The following MED9 variants were observed in gnomAD, a reference collection of about 807,000 sequenced individuals.
The protein encoded by MED9 is mediator of RNA polymerase II transcription subunit 9.
In MED9, 8 loss-of-function variants were observed where a neutral mutation model predicts 13.2. The ratio of observed to expected loss-of-function variants is 0.61; its 90% CI spans 0.36 to 1.10. MED9 has a LOEUF of 1.10. MED9 is among the 50% of genes least tolerant of loss of function. The pLI, the probability that MED9 is intolerant of heterozygous loss-of-function variation, is 0.02. For missense variants in MED9, 180 were observed against 193.4 expected (o/e 0.93, Z 0.41); for synonymous variants, 87 against 82.8 (o/e 1.05, Z -0.28).
At chr17:17,489,524 A>G (rs1905193469) in intron 1 of MED9, among the ~76,000 whole-genome samples, 1 of 152,282 alleles carries the variant, frequency 6.6e-6, no homozygotes, top group African/African-American at 2.4e-5. Flanking sequence ...CTTCCTTGGG[A>G]CTTAAATTCG....
intron 1 of MED9, among the ~76,000 whole-genome samples, chr17:17,488,842 A>AG (rs1905183704): frequency 6.6e-6 from 1 of 152,002 alleles, no homozygotes; most frequent in East Asian, 1.9e-4. Flanking sequence ...AAAAAAAAAA[A>AG]AGAAAAAAAG....
rs1905274334 is a variant in MED9, at chr17:17,493,118, C to T, written c.*1623C>T. On this transcript the variant is annotated 3_prime_UTR_variant, in exon 2 of 2. Transcript: ENST00000268711. ...GCAAGGCTGAAATGGACAAGGGCTCCTCACGGGGGTGGAGGGAGCCGGAGC... is the reference window on the plus strand; with the variant it reads ...GCAAGGCTGAAATGGACAAGGGCTCTTCACGGGGGTGGAGGGAGCCGGAGC... 3.3e-5 allele frequency: 5 copies of T among 152,176 alleles called. No individual in the cohort carries two copies. Among genetic ancestry groups the T allele is most frequent in the Admixed American group, 3.3e-4 (5 of 15,280 alleles). The allele number at this position is 152,176 out of a possible 1,614,324, so 9.4% of individuals were successfully genotyped here.
At position 17,480,265 on chromosome 17, in the gene MED9, C is replaced by A. The variant is rs80168244; in HGVS notation, c.224+3000C>A. Among the ~76,000 whole-genome samples the A allele has an allele frequency of 4.1e-3, 623 of 152,190 alleles. 4 individuals are homozygous for A. The highest frequency in any genetic ancestry group is 0.014 in the African/African-American group (602 of 41,522). On this transcript the variant is annotated intron_variant, in intron 1 of 1. Coordinates refer to ENST00000268711, the MANE Select transcript of MED9 (RefSeq NM_018019.3). The stretch of plus-strand genomic sequence containing the variant: ...GAGAGACACCACCCGAGCCTTCCCC[C>A]ACCTGGCTTCTAGATTGGCAGCCAA...
intron 1 of MED9, chr17:17,477,825 G>A (rs1453429185): frequency 1.3e-5 from 2 of 152,600 alleles, no homozygotes; most frequent in Non-Finnish European, 2.9e-5. Flanking sequence ...CACAGAAGTT[G>A]CCTCAGATGA....
In MED9 at chr17:17,477,204, G is replaced by T. The variant is rs61739282; in HGVS notation, c.163G>T (p.Ala55Ser). The change falls in exon 1 of 2, where the codon GCC becomes TCC. Residue 55 changes from alanine to serine, a missense_variant. Physicochemically the swap from Ala to Ser is moderately conservative, Grantham distance 99. Coordinates refer to ENST00000268711, the MANE Select transcript of MED9 (RefSeq NM_018019.3). ...QSPAPRPQSP[A>S]RAREEENYSF... is the part of the protein sequence containing the mutation. The stretch of plus-strand genomic sequence containing the variant: ...GCCGGCGCCACGGCCTCAGTCACCT[G>T]CCCGCGCGAGGGAGGAAGAGAACTA... 6,266 of 1,610,644 alleles carry T rather than the reference G, an allele frequency of 3.9e-3. 183 individuals carry two copies. In the African/African-American group the frequency reaches 0.067, roughly 17 times the overall value.
intron 1 of MED9, among the ~76,000 whole-genome samples, chr17:17,482,735 C>G (rs977156282): frequency 6.6e-6 from 1 of 152,170 alleles, no homozygotes; most frequent in African/African-American, 2.4e-5. Context: ...CTAGAACTTT[C>G]ATGGTTCCAT....
At chr17:17,488,007 A>T (rs1905167552) in intron 1 of MED9, 1 of 152,258 alleles carries the variant, frequency 6.6e-6, no homozygotes, top group Admixed American at 6.5e-5. Context: ...ACAAGGGGTT[A>T]ATGAGATTTC....
At position 17,477,281 on chromosome 17, in the gene MED9, A is replaced by G. The variant is rs1403169596; in HGVS notation, c.224+16A>G. ...TCATCAAATGGTAAGAACCTAGGAG[A>G]GGACCAGGCCCCATACTCCCTCCAG... On this transcript the variant is annotated intron_variant, in intron 1 of 1. Coordinates refer to ENST00000268711, the MANE Select transcript of MED9 (RefSeq NM_018019.3). 1.3e-6 allele frequency: 2 copies of G among 1,567,030 alleles called. No homozygotes were observed. The highest frequency in any genetic ancestry group is 1.7e-6 in the Non-Finnish European group (2 of 1,153,914).
Position 17,483,507 on chromosome 17 carries a change from GA to G in MED9, c.224+6243del, listed in dbSNP as rs1248910670. Among the ~76,000 whole-genome samples, 2 of 152,232 alleles carry G rather than the reference GA, an allele frequency of 1.3e-5. No individual in the cohort carries two copies. The highest frequency in any genetic ancestry group is 2.9e-5 in the Non-Finnish European group (2 of 68,050). ...CCAGAGCCTCTCCTGTACCCCCAGG[GA>G]CCCACCTGGTTCTGGGAGTGCTCTG... On this transcript the variant is annotated intron_variant, in intron 1 of 1. Transcript: ENST00000268711. This position sits in a 1 kb window ranked among gnomAD's most constrained non-coding sequence, Gnocchi z 4.2.
Position 17,491,808 on chromosome 17 carries a change from G to A in MED9, c.*313G>A, listed in dbSNP as rs1905237314. ...ACTCTCCCCTGCCTCTGGGGAGGGG[G>A]CCATCTGCTGCGCCCGGCCCCACTG... On this transcript the variant is annotated 3_prime_UTR_variant, in exon 2 of 2. Coordinates refer to ENST00000268711, the MANE Select transcript of MED9 (RefSeq NM_018019.3). The A allele has an allele frequency of 1.8e-5, 7 of 384,172 alleles. No individual in the cohort carries two copies. Among genetic ancestry groups the A allele is most frequent in the Non-Finnish European group, 3.5e-5 (7 of 202,006 alleles). The allele number at this position is 384,172 out of a possible 1,614,324, so 23.8% of individuals were successfully genotyped here. A position where few individuals can be genotyped will look rare whatever the true frequency, so the allele number is the denominator to read the frequency against.
rs112204471 is a variant in MED9, at chr17:17,491,867, G to C, written c.*372G>C. ...GAAGAGCACAGTAGGAAGGGAGGCG[G>C]CTCCTCTTTGCTTCCTTCCCTCTCT... is the stretch of plus-strand genomic sequence containing the variant. On this transcript the variant is annotated 3_prime_UTR_variant, in exon 2 of 2. Coordinates refer to ENST00000268711, the MANE Select transcript of MED9 (RefSeq NM_018019.3). 18 of 295,578 alleles carry C rather than the reference G, an allele frequency of 6.1e-5. No individual in the cohort carries two copies. Among genetic ancestry groups the C allele is most frequent in the African/African-American group, 3.9e-4 (18 of 46,682 alleles). 18.3% of individuals were successfully genotyped at this position (295,578 alleles called of 1,614,324 possible). A position where few individuals can be genotyped will look rare whatever the true frequency, so the allele number is the denominator to read the frequency against.
At chr17:17,479,252 C>A (rs2142469173) in intron 1 of MED9, among the ~76,000 whole-genome samples, 1 of 152,168 alleles carries the variant, frequency 6.6e-6, no homozygotes. Context: ...AATGCCTAAC[C>A]TTTCTAGGCC....
rs893119666 is a variant in MED9 at position 17,491,638 on chromosome 17, G to A, written c.*143G>A. 4.7e-5 allele frequency: 38 copies of A among 811,874 alleles called. No individual in the cohort carries two copies. Among genetic ancestry groups the A allele is most frequent in the Non-Finnish European group, 7.2e-5 (37 of 514,402 alleles). The allele number at this position is 811,874 out of a possible 1,614,324, so 50.3% of individuals were successfully genotyped here. On this transcript the variant is annotated 3_prime_UTR_variant, in exon 2 of 2. Transcript: ENST00000268711. The stretch of plus-strand genomic sequence containing the variant: ...AGGGGCGGGGCTCCTGTGCTGCTGC[G>A]CGCGCTTCGCCTGTGCGGGAGCCAG...
intron 1 of MED9, chr17:17,485,331 G>C (rs1002302543): frequency 4.0e-5 from 16 of 398,434 alleles, no homozygotes; most frequent in Middle Eastern, 6.3e-4. Context: ...GTGATCTGCT[G>C]ACTTCAGCCT....
At position 17,492,336 on chromosome 17, in the gene MED9, C is replaced by G. The variant is rs1445244024; in HGVS notation, c.*841C>G. 1.3e-5 allele frequency: 2 copies of G among 152,360 alleles called. No homozygotes were observed. The highest frequency in any genetic ancestry group is 4.8e-5 in the African/African-American group (2 of 41,472). The allele number at this position is 152,360 out of a possible 1,614,324, so 9.4% of individuals were successfully genotyped here. On this transcript the variant is annotated 3_prime_UTR_variant, in exon 2 of 2. Transcript: ENST00000268711. Reference sequence around the variant, plus strand: ...GTCTTCAGGCGAACCGACCTTCCCCCTTCTGGCATTTCAGATTCCCCTTGC... The same window carrying G: ...GTCTTCAGGCGAACCGACCTTCCCCGTTCTGGCATTTCAGATTCCCCTTGC...
intron 1 of MED9, chr17:17,477,475 C>A (rs903480763): frequency 1.8e-6 from 1 of 562,670 alleles, no homozygotes; most frequent in Non-Finnish European, 3.1e-6. Context: ...GGTGCGATAT[C>A]CTTAAGAATG....
intron 1 of MED9, among the ~76,000 whole-genome samples, chr17:17,478,805 C>T (rs984419493): frequency 6.6e-6 from 1 of 150,920 alleles, no homozygotes; most frequent in Non-Finnish European, 1.5e-5. Flanking sequence ...TGCAGTGAGC[C>T]GAGATCATGC....
At position 17,491,493 on chromosome 17, in the gene MED9, T is replaced by C; in HGVS notation, c.439T>C (p.Ter147GlnextTer68). The change falls in exon 2 of 2, where the codon TAG (stop) becomes CAG (glutamine). Residue 147 changes from the stop codon to glutamine (Q), a stop_lost. Transcript: ENST00000268711. ...SLCMFEIPKE[*>Q] is the part of the protein sequence containing the mutation. ...CTGCATGTTCGAAATCCCCAAGGAG[T>C]AGAGTGAGGCTGACTTCCTTAGAAA... 1.2e-6 allele frequency: 2 copies of C among 1,608,784 alleles called. No homozygotes were observed. Among genetic ancestry groups the C allele is most frequent in the Non-Finnish European group, 1.7e-6 (2 of 1,175,636 alleles).
chr17:17,479,228 C>T (rs908435994), intron 1 of MED9, among the ~76,000 whole-genome samples: 2 of 152,190 alleles, frequency 1.3e-5, no homozygotes, highest in Non-Finnish European at 2.9e-5. Context: ...TTCTTGCCTT[C>T]TAATCTTGAT....
Sources: gnomAD v4.1 joint callset for allele counts (sites outside exome capture counted in the v4.1 genomes callset) on GRCh38, gnomAD v4.1.1 for gene constraint, Gnocchi (gnomAD v3.1) non-coding constraint, MANE v1.5 for transcripts, NCBI Gene and HGNC (gene_info 2026-07-23, HGNC 2026-07-21) for gene names.